C20orf96: variants seen among roughly 807,000 people sequenced by gnomAD.
The protein encoded by C20orf96 is uncharacterized protein C20orf96.
In C20orf96, 57 loss-of-function variants were observed where a neutral mutation model predicts 52.6. The observed-to-expected ratio is 1.08, with a 90% CI of 0.88 to 1.35. The LOEUF (loss-of-function observed/expected upper bound fraction) is 1.35. Among genes scored for constraint, C20orf96 ranks in the 40% most tolerant of loss-of-function variants. The probability of loss-of-function intolerance (pLI) is 0.00; values close to 1 mark genes in which losing one functional copy is unlikely to be tolerated. For missense variants in C20orf96, 478 were observed against 443.6 expected (o/e 1.08, Z -0.70); for synonymous variants, 168 against 157.2 (o/e 1.07, Z -0.51).
chr20:287,889 A>C (rs1403072965), intron 3 of C20orf96, among the ~76,000 whole-genome samples: 1 of 140,714 alleles, frequency 7.1e-6, no homozygotes. Flanking sequence ...GGCCTGAGCA[A>C]CAAAGCGAGA....
In C20orf96 at chr20:286,617, G is replaced by A. The variant is rs1361222192; in HGVS notation, c.188-2536C>T. 3.4e-5 allele frequency among the ~76,000 whole-genome samples: 5 copies of A among 147,682 alleles called. No homozygotes were observed. In the East Asian group the frequency reaches 7.7e-4, roughly 23 times the overall value. On this transcript the variant is annotated intron_variant, in intron 3 of 10. Transcript: ENST00000360321. Reference sequence around the variant, plus strand: ...AAAGAAAAAGAAAAAGAAAAAGAAAGGAAAGAAAAGGAAACAGAGGTAGTC... The same window carrying A: ...AAAGAAAAAGAAAAAGAAAAAGAAAAGAAAGAAAAGGAAACAGAGGTAGTC...
At chr20:283,908 C>G in intron 4 of C20orf96, 55 bp downstream of exon 4, 1 of 1,241,390 alleles carries the variant, frequency 8.1e-7, no homozygotes, top group Non-Finnish European at 1.2e-6. Flanking sequence ...TTTGCTACAG[C>G]CATCATCCCC....
At chr20:283,942 C>G in intron 4 of C20orf96, 21 bp downstream of exon 4, 1 of 1,543,942 alleles carries the variant, frequency 6.5e-7, no homozygotes. Flanking sequence ...GCCCAGTGTC[C>G]AGGGAAGATG....
At chr20:279,442 CCT>C in intron 4 of C20orf96, 112 bp from the exon 5 acceptor site, 2 of 1,229,630 alleles carry the variant, frequency 1.6e-6, no homozygotes, top group Middle Eastern at 2.9e-4. Context: ...CCCCGTGCGG[CCT>C]CCTGCTGGTA....
chr20:290,203 G>A lies in C20orf96; in HGVS notation c.69+56C>T, dbSNP rs1416726825. 2.9e-6 allele frequency: 4 copies of A among 1,362,336 alleles called. No individual in the cohort carries two copies. In the Admixed American group the frequency reaches 5.5e-5, roughly 19 times the overall value. 84.4% of individuals were successfully genotyped at this position (1,362,336 alleles called of 1,614,324 possible). On this transcript the variant is annotated intron_variant, in intron 2 of 10. Coordinates refer to ENST00000360321, the MANE Select transcript of C20orf96 (RefSeq NM_153269.3). ...GTCACGACCGTGAGAGTGGAGAGCA[G>A]GTGGACTGCAGGGCCAGCGAGCCTC...
intron 4 of C20orf96, among the ~76,000 whole-genome samples, chr20:279,606 AAATAT>A (rs1299336716): frequency 1.3e-5 from 2 of 152,298 alleles, no homozygotes; most frequent in East Asian, 3.9e-4. Flanking sequence ...ACTAATCAAC[AAATAT>A]ATTATTAGTG....
intron 4 of C20orf96, 53 bp from the exon 5 acceptor site, chr20:279,383 G>A (rs1568491837): frequency 7.1e-6 from 11 of 1,549,382 alleles, no homozygotes; most frequent in African/African-American, 1.4e-5. Flanking sequence ...CCCGGCCTGA[G>A]CCCCCGAAAG....
chr20:279,660 G>A (rs2012197696), intron 4 of C20orf96, among the ~76,000 whole-genome samples: 1 of 152,112 alleles, frequency 6.6e-6, no homozygotes, highest in Non-Finnish European at 1.5e-5. Context: ...TGGCTTCTCA[G>A]AATCAATGAA....
intron 4 of C20orf96, among the ~76,000 whole-genome samples, chr20:282,645 C>A (rs2012281425): frequency 6.6e-6 from 1 of 152,172 alleles, no homozygotes; most frequent in African/African-American, 2.4e-5. Flanking sequence ...CCAAGGCGGG[C>A]AGATCACCTA....
chr20:280,936 CTCAAGGCCAGGAGT>C (rs1370074332), intron 4 of C20orf96, among the ~76,000 whole-genome samples: 5 of 152,268 alleles, frequency 3.3e-5, no homozygotes, highest in East Asian at 1.9e-4. Flanking sequence ...GGGAGGATCA[CTCAAGGCCAGGAGT>C]TCAAGACCAG....
chr20:279,065 A>C lies in C20orf96; in HGVS notation c.465+107T>G, dbSNP rs111857640. ...GAGGGCGGGAGGGCGGGACGGAGGG[A>C]GGGAGGGAGGGAGGGACGGAGGGCG... On this transcript the variant is annotated intron_variant, in intron 5 of 10. Transcript: ENST00000360321. The C allele has an allele frequency of 1.7e-4, 56 of 322,158 alleles. 1 individual carries two copies. In the African/African-American group the frequency reaches 2.3e-3, roughly 13 times the overall value. The allele number at this position is 322,158 out of a possible 1,614,324, so 20.0% of individuals were successfully genotyped here. A position where few individuals can be genotyped will look rare whatever the true frequency, so the allele number is the denominator to read the frequency against.
chr20:278,155 G>A (rs1479211655), intron 6 of C20orf96, among the ~76,000 whole-genome samples, 175 bp downstream of exon 6: 1 of 152,202 alleles, frequency 6.6e-6, no homozygotes, highest in African/African-American at 2.4e-5. Context: ...GGCCTGGAAA[G>A]AGCTAAGTGT....
chr20:282,920 A>G (rs1233773668), intron 4 of C20orf96, among the ~76,000 whole-genome samples: 1 of 152,204 alleles, frequency 6.6e-6, no homozygotes, highest in Non-Finnish European at 1.5e-5. Context: ...TCCTCCTTTA[A>G]GAATACTGGG....
At chr20:276,210 C>A (rs541296329) in intron 9 of C20orf96, 124 bp from the exon 10 acceptor site, 6 of 1,547,304 alleles carry the variant, frequency 3.9e-6, no homozygotes, top group Non-Finnish European at 5.2e-6. Context: ...GTCACTGGGA[C>A]TTGCTGGACT....
In C20orf96 at chr20:271,269, TG is replaced by T; in HGVS notation, c.1032-3del. ...ATGACATCCATGTCTGGGGTGCACC[TG>T]GTGGGAGGCAGCACAGAAGGCCATG... On this transcript the variant is annotated splice_polypyrimidine_tract_variant and splice_region_variant and intron_variant, in intron 10 of 10. Transcript: ENST00000360321. 1 of 1,552,690 alleles carries T rather than the reference TG, an allele frequency of 6.4e-7. No individual in the cohort carries two copies. The highest frequency in any genetic ancestry group is 1.7e-4 in the Middle Eastern group (1 of 5,978).
At chr20:272,112 A>AT in intron 10 of C20orf96, among the ~76,000 whole-genome samples, 1 of 134,474 alleles carries the variant, frequency 7.4e-6, no homozygotes, top group East Asian at 2.1e-4. Flanking sequence ...CATAGAAAAA[A>AT]AAAAAATTTC....
At chr20:288,798 T>C (rs1454439291) in intron 3 of C20orf96, among the ~76,000 whole-genome samples, 2 of 152,222 alleles carry the variant, frequency 1.3e-5, no homozygotes, top group African/African-American at 2.4e-5. Flanking sequence ...GTATGCTAGA[T>C]TGTCTATGAA....
At chr20:272,106 G>GA (rs569647013) in intron 10 of C20orf96, among the ~76,000 whole-genome samples, 25 of 123,476 alleles carry the variant, frequency 2.0e-4, no homozygotes, top group South Asian at 1.3e-3. Context: ...AACCAACATA[G>GA]AAAAAAAAAA....
At chr20:275,807 C>T (rs575802928) in intron 10 of C20orf96, among the ~76,000 whole-genome samples, 161 bp downstream of exon 10, 3 of 152,260 alleles carry the variant, frequency 2.0e-5, no homozygotes, top group Admixed American at 6.5e-5. Context: ...GTCACATCTG[C>T]CCCTGGTCAG....
Sources: allele counts gnomAD v4.1 joint callset (sites outside exome capture counted in the v4.1 genomes callset), GRCh38; gene constraint gnomAD v4.1.1; transcripts MANE v1.5; gene names NCBI Gene and HGNC (gene_info 2026-07-23, HGNC 2026-07-21).